EPB42: variants seen among roughly 807,000 people sequenced by gnomAD.
The protein encoded by EPB42 is erythrocyte membrane protein band 4.2.
In EPB42, 49 loss-of-function variants were observed where a neutral mutation model predicts 76.9. That is an observed-to-expected ratio of 0.64 (90% CI 0.51 to 0.81). EPB42 has a LOEUF of 0.81. Among genes scored for constraint, EPB42 ranks in the 30% least tolerant of loss-of-function variants. EPB42 has a pLI of 0.00. For missense variants in EPB42, 731 were observed against 867.6 expected (o/e 0.84, Z 1.98); for synonymous variants, 310 against 338.4 (o/e 0.92, Z 0.92).
At chr15:43,223,088 C>A (rs961313721), upstream of EPB42, among the ~76,000 whole-genome samples, 9 of 152,188 alleles carry the variant, frequency 5.9e-5, no homozygotes, top group Non-Finnish European at 1.3e-4. Flanking sequence ...GAGGCCGAGG[C>A]GGGTGGATCA....
rs749454815 is a variant in EPB42 at position 43,197,434 on chromosome 15, CATG to C, written c.1941_1943del (p.Met648del). ...TTGGCGTGAACTGGAACTTGGCACA[CATG>C]GTGTTTTCAGGCCACACTGAACGGA... On this transcript the variant is annotated inframe_deletion, in exon 13 of 13. Coordinates refer to ENST00000441366, the MANE Select transcript of EPB42 (RefSeq NM_001114134.2). 6.8e-6 allele frequency: 11 copies of C among 1,614,028 alleles called. No homozygotes were observed. The East Asian group carries it at 2.5e-4, about 36-fold the overall frequency.
At chr15:43,209,516 G>T in intron 5 of EPB42, 65 bp from the exon 6 acceptor site, 6 of 1,533,560 alleles carry the variant, frequency 3.9e-6, no homozygotes, top group Non-Finnish European at 5.3e-6. Flanking sequence ...CAGGGCATGG[G>T]TAAGGAGGGC....
In EPB42 at chr15:43,206,239, C is replaced by G; in HGVS notation, c.1618+91G>C. 2.2e-6 allele frequency: 3 copies of G among 1,372,836 alleles called. No homozygotes were observed. Among genetic ancestry groups the G allele is most frequent in the Non-Finnish European group, 3.0e-6 (3 of 1,015,214 alleles). 85.0% of individuals were successfully genotyped at this position (1,372,836 alleles called of 1,614,324 possible). A position where few individuals can be genotyped will look rare whatever the true frequency, so the allele number is the denominator to read the frequency against. ...GGCTCAAAGCCATCTCTAGAGACTG[C>G]AGGGGGTGCCCTGTGGCTGCTGCCT... On this transcript the variant is annotated intron_variant, in intron 10 of 12. Coordinates refer to ENST00000441366, the MANE Select transcript of EPB42 (RefSeq NM_001114134.2). The surrounding 1 kb of genome is among the most constrained non-coding windows in gnomAD (Gnocchi z 4.7).
intron 9 of EPB42, 121 bp downstream of exon 9, chr15:43,207,078 C>A: frequency 6.8e-7 from 1 of 1,463,964 alleles, no homozygotes; most frequent in Non-Finnish European, 9.3e-7. Context: ...GGTTGAGAAA[C>A]CCTGTTTTAT....
intron 11 of EPB42, among the ~76,000 whole-genome samples, chr15:43,202,478 T>C (rs182020911): frequency 2.6e-4 from 39 of 152,366 alleles, no homozygotes; most frequent in African/African-American, 8.7e-4. Context: ...GTCATCTCTT[T>C]CATAAGGTCA....
At chr15:43,213,119 T>C (rs1733850650) in intron 3 of EPB42, among the ~76,000 whole-genome samples, 1 of 152,146 alleles carries the variant, frequency 6.6e-6, no homozygotes, top group Non-Finnish European at 1.5e-5. Context: ...TAGGCATCAC[T>C]GTTTTTTATT....
intron 12 of EPB42, among the ~76,000 whole-genome samples, chr15:43,201,152 G>A (rs138548584): frequency 1.2e-4 from 19 of 152,302 alleles, no homozygotes; most frequent in Admixed American, 2.6e-4. Context: ...AGACTTGTGT[G>A]AGGATGTGCA....
In EPB42 at chr15:43,208,628, G is replaced by T. The variant is rs545496291; in HGVS notation, c.971+9C>A. ...TGGACTGGAACCTCATCTCCCTTGG[G>T]CTTCTCACCAGATTCTGCCTCTCTG... On this transcript the variant is annotated intron_variant, in intron 7 of 12. Transcript: ENST00000441366. 1.2e-5 allele frequency: 19 copies of T among 1,614,116 alleles called. No individual in the cohort carries two copies. In the East Asian group the frequency reaches 3.3e-4, roughly 28 times the overall value.
chr15:43,220,801 G>GC lies in EPB42; in HGVS notation c.10+14dup. The stretch of plus-strand genomic sequence containing the variant: ...TACAGTCCAGCAAGCCCTGTCGAGC[G>GC]CTGGCTTGGCTCACCCTGTCCCATG... On this transcript the variant is annotated intron_variant, in intron 1 of 12. Coordinates refer to ENST00000441366, the MANE Select transcript of EPB42 (RefSeq NM_001114134.2). 1 of 1,612,490 alleles carries GC rather than the reference G, an allele frequency of 6.2e-7. No individual in the cohort carries two copies. Among genetic ancestry groups the GC allele is most frequent in the South Asian group, 1.1e-5 (1 of 91,072 alleles).
chr15:43,210,536 T>A, intron 4 of EPB42, 97 bp from the exon 5 acceptor site: 1 of 1,113,650 alleles, frequency 9.0e-7, no homozygotes, highest in Non-Finnish European at 1.3e-6. Flanking sequence ...GACAGCCTCA[T>A]CATCTCGTCC....
chr15:43,208,967 C>A (rs972517905), intron 6 of EPB42, among the ~76,000 whole-genome samples, 192 bp from the exon 7 acceptor site: 1 of 152,102 alleles, frequency 6.6e-6, no homozygotes, highest in African/African-American at 2.4e-5. Flanking sequence ...CCACCGCATG[C>A]GGGGCATATA....
intron 1 of EPB42, among the ~76,000 whole-genome samples, chr15:43,218,781 T>G (rs1387539465): frequency 1.3e-5 from 2 of 152,228 alleles, no homozygotes; most frequent in East Asian, 3.9e-4. Context: ...TAGGTCTGCC[T>G]GGTTTCTTGG....
chr15:43,209,593 C>A, intron 5 of EPB42, 142 bp from the exon 6 acceptor site: 1 of 907,620 alleles, frequency 1.1e-6, no homozygotes, highest in Non-Finnish European at 1.7e-6. Flanking sequence ...CTGGTTAAAC[C>A]TGCATGCTTC....
At chr15:43,225,619 G>T (rs985345687), upstream of EPB42, among the ~76,000 whole-genome samples, 2 of 152,144 alleles carry the variant, frequency 1.3e-5, no homozygotes, top group Non-Finnish European at 2.9e-5. Context: ...ACGCGTCTCT[G>T]CCACCAAGGA....
In EPB42 at chr15:43,220,681, GTACCCCCTCCCCCACCATAGTTA is replaced by G. The variant is rs200272733; in HGVS notation, c.10+112_10+134del. On this transcript the variant is annotated intron_variant, in intron 1 of 12. Transcript: ENST00000441366. ...CCCCACAGCCACCTCATTATCACCA[GTACCCCCTCCCCCACCATAGTTA>G]TACCACCATCTCCCCGCCTACCATC... is the stretch of plus-strand genomic sequence containing the variant. The G allele has an allele frequency of 4.0e-3, 2,773 of 692,282 alleles. 52 individuals carry two copies. In the African/African-American group the frequency reaches 0.072, roughly 18 times the overall value. The allele number at this position is 692,282 out of a possible 1,614,324, so 42.9% of individuals were successfully genotyped here. A position where few individuals can be genotyped will look rare whatever the true frequency, so the allele number is the denominator to read the frequency against.
chr15:43,204,546 G>A (rs1423743233), intron 10 of EPB42, among the ~76,000 whole-genome samples: 1 of 152,092 alleles, frequency 6.6e-6, no homozygotes, highest in Non-Finnish European at 1.5e-5. Context: ...GACACAATGT[G>A]CCACAACCAA....
chr15:43,220,979 C>G lies in EPB42; in HGVS notation c.-154G>C, dbSNP rs544306313. The G allele has an allele frequency of 1.3e-5, 9 of 693,688 alleles. No homozygotes were observed. Among genetic ancestry groups the G allele is most frequent in the South Asian group, 3.1e-5 (2 of 64,362 alleles). 43.0% of individuals were successfully genotyped at this position (693,688 alleles called of 1,614,324 possible). A position where few individuals can be genotyped will look rare whatever the true frequency, so the allele number is the denominator to read the frequency against. On this transcript the variant is annotated 5_prime_UTR_variant, in exon 1 of 13. Transcript: ENST00000441366. The stretch of plus-strand genomic sequence containing the variant: ...ATCTGGAAATAGCAAAACCTCCCCC[C>G]ACTACTCCTGTGAGCACCCTGACAT...
At chr15:43,207,477 C>T (rs745991234) in intron 8 of EPB42, 36 bp from the exon 9 acceptor site, 16 of 1,609,946 alleles carry the variant, frequency 9.9e-6, no homozygotes, top group South Asian at 9.9e-5. Flanking sequence ...ATGGGAGCTG[C>T]GCCTAGACCT....
rs80067811 is a variant in EPB42, at chr15:43,201,951, T to G, written c.1806A>C (p.Gln602His). 6.2e-7 allele frequency: 1 copy of G among 1,613,878 alleles called. No homozygotes were observed. ...GGAGGCTGACTGAGGCTGTGAGGGG[T>G]TGATACTGCTCTGCTTTCTCTGGCA... Reference protein sequence around the residue: ...IKMPEKAEQYQPLTASVSLQN... With the variant: ...IKMPEKAEQYHPLTASVSLQN... The change falls in exon 12 of 13, where the codon CAA (glutamine) becomes CAC (histidine). Residue 602 changes from glutamine (Q) to histidine (H), a missense_variant. Gln to His is a conservative substitution (Grantham distance 24, BLOSUM62 0). Coordinates refer to ENST00000441366, the MANE Select transcript of EPB42 (RefSeq NM_001114134.2).
Sources: allele counts gnomAD v4.1 joint callset (sites outside exome capture counted in the v4.1 genomes callset), GRCh38; gene constraint gnomAD v4.1.1; non-coding constraint Gnocchi (gnomAD v3.1); transcripts MANE v1.5; gene names NCBI Gene and HGNC (gene_info 2026-07-23, HGNC 2026-07-21).